The following FOXP2 variants were observed in gnomAD, a reference collection of about 807,000 sequenced individuals.
FOXP2 encodes the protein forkhead box protein P2.
Under a neutral mutation model 115.8 loss-of-function variants are expected in FOXP2, and 12 were observed. That is an observed-to-expected ratio of 0.10 (90% confidence interval 0.07 to 0.17). The LOEUF is 0.17. Among genes scored for constraint, FOXP2 ranks in the 10% least tolerant of loss-of-function variants. The pLI, the probability that FOXP2 is intolerant of heterozygous loss-of-function variation, is 1.00. For missense variants in FOXP2, 629 were observed against 843.5 expected (o/e 0.75, Z 3.15); for synonymous variants, 328 against 297.7 (o/e 1.10, Z -1.05).
intron 2 of FOXP2, among the ~76,000 whole-genome samples, chr7:114,332,943 G>A (rs2129183196): frequency 6.6e-6 from 1 of 152,256 alleles, no homozygotes; most frequent in Non-Finnish European, 1.5e-5. Flanking sequence ...ACTATTAAAA[G>A]ATCAGGATCA....
At chr7:114,318,608 A>T (rs2129181136) in intron 2 of FOXP2, among the ~76,000 whole-genome samples, 1 of 151,896 alleles carries the variant, frequency 6.6e-6, no homozygotes. Flanking sequence ...CACAATAAAC[A>T]GTGCAGTTAC....
At chr7:114,474,754 A>G (rs536221538) in intron 2 of FOXP2, among the ~76,000 whole-genome samples, 2 of 152,294 alleles carry the variant, frequency 1.3e-5, no homozygotes, top group South Asian at 4.1e-4. Flanking sequence ...ATTCAATACC[A>G]GCATTCCCTC....
At chr7:114,562,251 A>G (rs1221708860) in intron 3 of FOXP2, among the ~76,000 whole-genome samples, 1 of 152,190 alleles carries the variant, frequency 6.6e-6, no homozygotes, top group Admixed American at 6.5e-5. Flanking sequence ...CCTATAGAGA[A>G]TCACAATATC....
At chr7:114,574,370 A>G (rs1200126790) in intron 3 of FOXP2, among the ~76,000 whole-genome samples, 2 of 151,850 alleles carry the variant, frequency 1.3e-5, no homozygotes, top group Non-Finnish European at 2.9e-5. Context: ...AATACTTTTC[A>G]ATGCTTGCTT....
At chr7:114,526,929 C>T (rs1798905859) in intron 2 of FOXP2, among the ~76,000 whole-genome samples, 1 of 151,928 alleles carries the variant, frequency 6.6e-6, no homozygotes, top group Non-Finnish European at 1.5e-5. Flanking sequence ...AAAGAAACCC[C>T]ATTCTCATTA....
intron 1 of FOXP2, among the ~76,000 whole-genome samples, chr7:114,281,263 G>A (rs563764189): frequency 1.3e-5 from 2 of 151,514 alleles, no homozygotes; most frequent in African/African-American, 2.4e-5. Flanking sequence ...TACCATGCCC[G>A]GCTAATTTTT....
intron 2 of FOXP2, among the ~76,000 whole-genome samples, chr7:114,295,231 A>G (rs1056583867): frequency 6.6e-6 from 1 of 152,172 alleles, no homozygotes; most frequent in African/African-American, 2.4e-5. Flanking sequence ...CATTACAATA[A>G]TCTGCTTTTT....
chr7:114,609,917 G>T (rs887708434), intron 3 of FOXP2, among the ~76,000 whole-genome samples: 2 of 151,982 alleles, frequency 1.3e-5, no homozygotes, highest in Non-Finnish European at 2.9e-5. Flanking sequence ...CATTTTCATC[G>T]TGGTTGGCCA....
intron 1 of FOXP2, among the ~76,000 whole-genome samples, chr7:114,223,516 T>C (rs549631853): frequency 6.8e-6 from 1 of 147,602 alleles, no homozygotes; most frequent in African/African-American, 2.5e-5. Flanking sequence ...ATAATATATA[T>C]ATAATATGTA....
chr7:114,444,128 T>C (rs752605759), intron 2 of FOXP2, among the ~76,000 whole-genome samples: 3 of 152,162 alleles, frequency 2.0e-5, no homozygotes, highest in Admixed American at 1.3e-4. Flanking sequence ...CTTTGTATCC[T>C]CAAAAGAACC....
chr7:114,524,973 G>T (rs1028887422), intron 2 of FOXP2, among the ~76,000 whole-genome samples: 1 of 152,046 alleles, frequency 6.6e-6, no homozygotes, highest in African/African-American at 2.4e-5. Flanking sequence ...AGTCCTAGAG[G>T]AGATTAAAAT....
chr7:114,225,121 A>T (rs1370608457), intron 1 of FOXP2, among the ~76,000 whole-genome samples: 1 of 151,524 alleles, frequency 6.6e-6, no homozygotes, highest in African/African-American at 2.4e-5. Flanking sequence ...TTTTTTTAGG[A>T]TTTTGGTCTA....
chr7:114,121,296 A>C (rs1383417920), intron 1 of FOXP2, among the ~76,000 whole-genome samples: 1 of 152,084 alleles, frequency 6.6e-6, no homozygotes, highest in Non-Finnish European at 1.5e-5. Context: ...GAAGGCCCTC[A>C]TCAGAACTGG....
chr7:114,282,402 C>T (rs879720051), intron 1 of FOXP2, among the ~76,000 whole-genome samples: 4 of 152,142 alleles, frequency 2.6e-5, no homozygotes, highest in Admixed American at 2.6e-4. Flanking sequence ...TTTTGCTCCA[C>T]ATTAAATTAA....
intron 1 of FOXP2, among the ~76,000 whole-genome samples, chr7:114,149,534 A>G (rs1168788560): frequency 2.0e-5 from 3 of 152,104 alleles, no homozygotes; most frequent in Non-Finnish European, 4.4e-5. Flanking sequence ...AGGTCAGATT[A>G]ACATCAGCAG....
At chr7:114,684,445 A>C (rs1044621925) in intron 16 of FOXP2, among the ~76,000 whole-genome samples, 2 of 152,174 alleles carry the variant, frequency 1.3e-5, no homozygotes, top group African/African-American at 4.8e-5. Flanking sequence ...TGCCCAAAAT[A>C]ATGCTTATTG....
At position 114,271,609 on chromosome 7, in the gene FOXP2, T is replaced by C. The variant is rs913355779; in HGVS notation, c.-101-16410T>C. ...ATATTATTATAATATAATATTAATA[T>C]ATAATAAATAATTATATTATTAATA... On this transcript the variant is annotated intron_variant, in intron 1 of 17. Coordinates refer to the FOXP2 transcript ENST00000634411. 2.4e-3 allele frequency among the ~76,000 whole-genome samples: 298 copies of C among 123,560 alleles called. 3 individuals carry two copies. Among genetic ancestry groups the C allele is most frequent in the African/African-American group, 9.0e-3 (288 of 31,880 alleles). The allele number at this position is 123,560 out of a possible 152,430, so 81.1% of individuals were successfully genotyped here.
At chr7:114,404,238 C>G (rs1391121480) in intron 2 of FOXP2, among the ~76,000 whole-genome samples, 1 of 151,990 alleles carries the variant, frequency 6.6e-6, no homozygotes, top group East Asian at 1.9e-4. Flanking sequence ...AGAGAAATGT[C>G]GGTTTGGCAA....
chr7:114,597,637 G>T (rs1237855167), intron 3 of FOXP2, among the ~76,000 whole-genome samples: 1 of 152,108 alleles, frequency 6.6e-6, no homozygotes, highest in Admixed American at 6.6e-5. Flanking sequence ...GGGGCACCAG[G>T]TTACAGGGTA....
Sources: allele counts gnomAD v4.1 joint callset (sites outside exome capture counted in the v4.1 genomes callset), GRCh38; gene constraint gnomAD v4.1.1; transcripts MANE v1.5; gene names NCBI Gene and HGNC (gene_info 2026-07-23, HGNC 2026-07-21).